SGCZ: variants seen among roughly 807,000 people sequenced by gnomAD.
SGCZ encodes the protein zeta-sarcoglycan.
A neutral mutation model predicts 41.3 loss-of-function variants in SGCZ; 40 were observed. That is an observed-to-expected ratio of 0.97 (90% CI 0.75 to 1.26). The LOEUF (loss-of-function observed/expected upper bound fraction) is 1.26. Among genes scored for constraint, SGCZ ranks in the 50% most tolerant of loss-of-function variants. The pLI is 0.00. For missense variants in SGCZ, 552 were observed against 369.8 expected (o/e 1.49, Z -4.04); for synonymous variants, 206 against 137.5 (o/e 1.50, Z -3.49).
chr8:15,173,930 A>T (rs775627870), intron 1 of SGCZ, among the ~76,000 whole-genome samples: 4 of 151,946 alleles, frequency 2.6e-5, no homozygotes, highest in African/African-American at 9.7e-5. Context: ...GTCTCACTAC[A>T]TTACTGGTCG....
At position 14,676,399 on chromosome 8, in the gene SGCZ, G is replaced by C. The variant is rs1320063323; in HGVS notation, c.40-121473C>G. Among the ~76,000 whole-genome samples the C allele has an allele frequency of 3.4e-5, 5 of 145,018 alleles. No homozygotes were observed. In the Admixed American group the frequency reaches 3.6e-4, roughly 10 times the overall value. On this transcript the variant is annotated intron_variant, in intron 1 of 7. Coordinates refer to ENST00000382080, the MANE Select transcript of SGCZ (RefSeq NM_139167.4). Reference sequence around the variant, plus strand: ...CCAGCCCTGATGGCATATGCCTGTAGTTCTAGCTACTTGGGAGGCTGAGAC... The same window carrying C: ...CCAGCCCTGATGGCATATGCCTGTACTTCTAGCTACTTGGGAGGCTGAGAC...
chr8:15,171,993 T>C (rs1799844570), intron 1 of SGCZ, among the ~76,000 whole-genome samples: 1 of 152,136 alleles, frequency 6.6e-6, no homozygotes, highest in Non-Finnish European at 1.5e-5. Context: ...TTCAACATTA[T>C]TTGTGCCAGC....
intron 1 of SGCZ, among the ~76,000 whole-genome samples, chr8:14,912,103 C>T (rs1281115399): frequency 6.6e-6 from 1 of 151,946 alleles, no homozygotes; most frequent in Admixed American, 6.6e-5. Context: ...GACACGTAAG[C>T]ACCAACACCC....
chr8:14,719,327 T>C (rs950118476), intron 1 of SGCZ, among the ~76,000 whole-genome samples: 9 of 150,174 alleles, frequency 6.0e-5, no homozygotes, highest in Non-Finnish European at 8.9e-5. Flanking sequence ...TGTGCATGTG[T>C]CTTTATAGCA....
chr8:15,076,750 T>C (rs1052231402), intron 1 of SGCZ, among the ~76,000 whole-genome samples: 5 of 139,320 alleles, frequency 3.6e-5, no homozygotes, highest in African/African-American at 6.0e-5. Context: ...AATAAGTCTC[T>C]CTCATTTTTT....
intron 2 of SGCZ, among the ~76,000 whole-genome samples, chr8:14,497,959 T>C (rs923370187): frequency 3.9e-5 from 6 of 152,202 alleles, no homozygotes; most frequent in Non-Finnish European, 7.3e-5. Flanking sequence ...AGGTTGTTTT[T>C]CCTCATATCC....
At chr8:14,589,650 T>C (rs1230583482) in intron 1 of SGCZ, among the ~76,000 whole-genome samples, 1 of 152,174 alleles carries the variant, frequency 6.6e-6, no homozygotes, top group Non-Finnish European at 1.5e-5. Flanking sequence ...ACGCATAATA[T>C]TCATAGTTGC....
chr8:15,166,335 C>T (rs1799665015), intron 1 of SGCZ, among the ~76,000 whole-genome samples: 1 of 151,658 alleles, frequency 6.6e-6, no homozygotes, highest in South Asian at 2.1e-4. Flanking sequence ...GCAAGCTCTG[C>T]CTCCCGGGTT....
intron 2 of SGCZ, among the ~76,000 whole-genome samples, chr8:14,391,943 A>T (rs1029946134): frequency 6.6e-6 from 1 of 152,042 alleles, no homozygotes; most frequent in Non-Finnish European, 1.5e-5. Flanking sequence ...TTGCAAGGAC[A>T]GTACAAACGG....
rs149178423 is a variant in SGCZ at position 14,864,275 on chromosome 8, T to G, written c.40-309349A>C. 5.2e-3 allele frequency among the ~76,000 whole-genome samples: 792 copies of G among 152,294 alleles called. 5 individuals carry two copies. The highest frequency in any genetic ancestry group is 0.018 in the African/African-American group (756 of 41,570). On this transcript the variant is annotated intron_variant, in intron 1 of 7. Coordinates refer to ENST00000382080, the MANE Select transcript of SGCZ (RefSeq NM_139167.4). ...TTTTTCTATTTCATCCTGTGTTCAT[T>G]TGTATAAACAAATCTGTGTCAACCA...
At chr8:14,477,547 T>C (rs1468901354) in intron 2 of SGCZ, among the ~76,000 whole-genome samples, 1 of 152,308 alleles carries the variant, frequency 6.6e-6, no homozygotes, top group East Asian at 1.9e-4. Flanking sequence ...CTTAACACTA[T>C]TTTATTCTCC....
At chr8:15,010,580 C>T (rs547864412) in intron 1 of SGCZ, among the ~76,000 whole-genome samples, 6 of 152,270 alleles carry the variant, frequency 3.9e-5, no homozygotes, top group South Asian at 4.1e-4. Context: ...CCTAATCATG[C>T]GCTTAGACAA....
At chr8:14,094,243 T>C (rs1168274547) in intron 7 of SGCZ, among the ~76,000 whole-genome samples, 1 of 152,112 alleles carries the variant, frequency 6.6e-6, no homozygotes, top group Non-Finnish European at 1.5e-5. Context: ...GCTGCACCAA[T>C]CAACGCATCA....
intron 5 of SGCZ, among the ~76,000 whole-genome samples, chr8:14,133,489 C>G (rs1050279807): frequency 1.3e-5 from 2 of 152,094 alleles, no homozygotes; most frequent in Admixed American, 6.6e-5. Flanking sequence ...GAGACACATA[C>G]AATAATTTGT....
chr8:14,518,215 C>T (rs145311325), intron 2 of SGCZ, among the ~76,000 whole-genome samples: 3,029 of 151,804 alleles, frequency 0.02, 75 homozygotes, highest in African/African-American at 0.052. Flanking sequence ...AAATAATTAC[C>T]TATTAATATA....
chr8:14,409,703 T>C (rs149868428), intron 2 of SGCZ, among the ~76,000 whole-genome samples: 16 of 152,282 alleles, frequency 1.1e-4, no homozygotes, highest in Admixed American at 5.2e-4. Context: ...AACGTTTACT[T>C]GTTGAGAACA....
At chr8:14,630,910 T>A (rs1049526082) in intron 1 of SGCZ, among the ~76,000 whole-genome samples, 9 of 148,802 alleles carry the variant, frequency 6.0e-5, no homozygotes, top group Admixed American at 3.3e-4. Flanking sequence ...TTAGGAGATA[T>A]ACCTAATGTA....
At chr8:15,055,491 A>C (rs1192462168) in intron 1 of SGCZ, among the ~76,000 whole-genome samples, 1 of 152,194 alleles carries the variant, frequency 6.6e-6, no homozygotes, top group Non-Finnish European at 1.5e-5. Context: ...GGAAAAAAAC[A>C]TGAAAATTAG....
At chr8:15,174,335 G>C (rs926940180) in intron 1 of SGCZ, among the ~76,000 whole-genome samples, 1 of 152,014 alleles carries the variant, frequency 6.6e-6, no homozygotes, top group South Asian at 2.1e-4. Flanking sequence ...TCAGTGTTTG[G>C]GTTGTTTCCA....
Sources: allele counts gnomAD v4.1 joint callset (sites outside exome capture counted in the v4.1 genomes callset), GRCh38; gene constraint gnomAD v4.1.1; transcripts MANE v1.5; gene names NCBI Gene and HGNC (gene_info 2026-07-23, HGNC 2026-07-21).